The following ARIH1 variants were observed in gnomAD, a reference collection of about 807,000 sequenced individuals.
ARIH1 encodes the protein E3 ubiquitin-protein ligase ARIH1.
A neutral mutation model predicts 85.0 loss-of-function variants in ARIH1; 8 were observed. The ratio of observed to expected loss-of-function variants is 0.09; its 90% confidence interval spans 0.06 to 0.17. ARIH1 has a LOEUF of 0.17. ARIH1 is among the 10% of genes least tolerant of loss of function. The probability of loss-of-function intolerance (pLI) is 1.00; values close to 1 mark genes in which losing one functional copy is unlikely to be tolerated. For synonymous variants in ARIH1, 238 were observed against 253.6 expected (o/e 0.94, Z 0.59); for missense variants, 311 against 718.1 (o/e 0.43, Z 6.48).
chr15:72,520,176 C>G, intron 2 of ARIH1, among the ~76,000 whole-genome samples: 1 of 152,126 alleles, frequency 6.6e-6, no homozygotes, highest in East Asian at 1.9e-4. Flanking sequence ...TGGGAAACTT[C>G]TGAGTATGTG....
At chr15:72,509,330 A>C (rs542310026) in intron 1 of ARIH1, among the ~76,000 whole-genome samples, 2 of 152,248 alleles carry the variant, frequency 1.3e-5, no homozygotes, top group African/African-American at 4.8e-5. Flanking sequence ...CAGGTGCTCC[A>C]GTGCAGGCTA....
intron 2 of ARIH1, among the ~76,000 whole-genome samples, chr15:72,538,500 T>C (rs1304030020): frequency 6.6e-6 from 1 of 152,254 alleles, no homozygotes; most frequent in African/African-American, 2.4e-5. Flanking sequence ...TTATGAAGTA[T>C]GAAGACTTAG....
chr15:72,563,352 C>A lies in ARIH1; in HGVS notation c.805-42C>A, dbSNP rs763385858. 3 of 1,563,496 alleles carry A rather than the reference C, an allele frequency of 1.9e-6. No individual in the cohort carries two copies. The African/African-American group carries it at 4.1e-5, about 21-fold the overall frequency. Reference sequence around the variant, plus strand: ...GGGATTATAGGTGTGAGCCACTGTGCCCAGCCAGCTGTCATTTTTTATTTT... The same window carrying A: ...GGGATTATAGGTGTGAGCCACTGTGACCAGCCAGCTGTCATTTTTTATTTT... On this transcript the variant is annotated intron_variant, in intron 6 of 13. Coordinates refer to ENST00000379887, the MANE Select transcript of ARIH1 (RefSeq NM_005744.5).
chr15:72,527,201 G>T (rs559832324), intron 2 of ARIH1, among the ~76,000 whole-genome samples: 58 of 152,142 alleles, frequency 3.8e-4, no homozygotes, highest in Admixed American at 9.8e-4. Context: ...AGGTGTGAAG[G>T]TTGTGCAGTC....
intron 1 of ARIH1, 175 bp downstream of exon 1, chr15:72,475,189 G>T (rs999009432): frequency 2.3e-6 from 3 of 1,320,088 alleles, no homozygotes; most frequent in Non-Finnish European, 2.9e-6. Flanking sequence ...GCAGAGGTTC[G>T]CCGATTAGCC....
intron 1 of ARIH1, among the ~76,000 whole-genome samples, chr15:72,490,815 A>C (rs1002409572): frequency 1.4e-4 from 22 of 152,166 alleles, no homozygotes; most frequent in African/African-American, 5.3e-4. Context: ...TTTGAGTCCC[A>C]GTGACTAAAC....
chr15:72,529,386 C>T (rs1010711830), intron 2 of ARIH1, among the ~76,000 whole-genome samples: 13 of 152,156 alleles, frequency 8.5e-5, no homozygotes, highest in Non-Finnish European at 4.4e-5. Context: ...TAGGACTGTG[C>T]ACCACAACAC....
chr15:72,531,480 C>A (rs2064056513), intron 2 of ARIH1, among the ~76,000 whole-genome samples: 1 of 152,106 alleles, frequency 6.6e-6, no homozygotes, highest in Non-Finnish European at 1.5e-5. Context: ...GTTGGCCAGG[C>A]TGGTCTCGAA....
At position 72,529,691 on chromosome 15, in the gene ARIH1, G is replaced by T. The variant is rs567892438; in HGVS notation, c.443+11557G>T. On this transcript the variant is annotated intron_variant, in intron 2 of 13. Coordinates refer to ENST00000379887, the MANE Select transcript of ARIH1 (RefSeq NM_005744.5). Reference sequence around the variant, plus strand: ...GTGGGAAAGGATTTAGTAATGAGGTGTGGCATTTGATTGGACAAGGAAGGG... The same window carrying T: ...GTGGGAAAGGATTTAGTAATGAGGTTTGGCATTTGATTGGACAAGGAAGGG... Among the ~76,000 whole-genome samples, 2 of 152,286 alleles carry T rather than the reference G, an allele frequency of 1.3e-5. 1 individual carries two copies. Among genetic ancestry groups the T allele is most frequent in the South Asian group, 4.1e-4 (2 of 4,822 alleles).
chr15:72,545,619 G>A (rs1480830950), intron 3 of ARIH1, among the ~76,000 whole-genome samples: 2 of 152,226 alleles, frequency 1.3e-5, no homozygotes, highest in Non-Finnish European at 2.9e-5. Flanking sequence ...TTGAGGCCAG[G>A]AGTTTGAGGC....
At chr15:72,509,137 T>C (rs1340521560) in intron 1 of ARIH1, among the ~76,000 whole-genome samples, 1 of 151,972 alleles carries the variant, frequency 6.6e-6, no homozygotes, top group Admixed American at 6.6e-5. Context: ...ACTACAGGCG[T>C]GCATCACCAC....
chr15:72,579,971 A>G (rs545074123), intron 11 of ARIH1, among the ~76,000 whole-genome samples: 2 of 152,236 alleles, frequency 1.3e-5, no homozygotes, highest in African/African-American at 4.8e-5. Context: ...TTATTTTGAA[A>G]TATATATTAT....
At position 72,567,135 on chromosome 15, in the gene ARIH1, T is replaced by C. The variant is rs767313975; in HGVS notation, c.984T>C (p.Asp328=). 2 of 1,612,456 alleles carry C rather than the reference T, an allele frequency of 1.2e-6. No individual in the cohort carries two copies. Among genetic ancestry groups the C allele is most frequent in the Non-Finnish European group, 1.7e-6 (2 of 1,179,210 alleles). ...TAAAGAAATGGATTAAAAAGTGTGA[T>C]GATGACAGTGAAACCTCCAATTGGA... is the stretch of plus-strand genomic sequence containing the variant. ...KWLKKWIKKC[D]DDSETSNWIA... The change falls in exon 9 of 14, where the codon GAT becomes GAC. Residue 328 remains aspartate, a synonymous_variant. Transcript: ENST00000379887.
intron 1 of ARIH1, among the ~76,000 whole-genome samples, chr15:72,488,573 A>G (rs2063846654): frequency 2.0e-5 from 3 of 152,188 alleles, no homozygotes; most frequent in African/African-American, 7.2e-5. Flanking sequence ...GCCTCTAGCT[A>G]TATATGAGGG....
At position 72,589,140 on chromosome 15, in the gene ARIH1, T is replaced by G. The variant is rs1285317310; in HGVS notation, c.*5848T>G. On this transcript the variant is annotated 3_prime_UTR_variant, in exon 14 of 14. Transcript: ENST00000379887. ...CAGATGCCTTACTTTTGTCTGTATCTTCCAAGCAGCCCTAAAGCAAAATGG... is the reference window on the plus strand; with the variant it reads ...CAGATGCCTTACTTTTGTCTGTATCGTCCAAGCAGCCCTAAAGCAAAATGG... 6.6e-6 allele frequency: 1 copy of G among 152,214 alleles called. No homozygotes were observed. Among genetic ancestry groups the G allele is most frequent in the Non-Finnish European group, 1.5e-5 (1 of 68,034 alleles). The allele number at this position is 152,214 out of a possible 1,614,324, so 9.4% of individuals were successfully genotyped here. A position where few individuals can be genotyped will look rare whatever the true frequency, so the allele number is the denominator to read the frequency against.
At chr15:72,572,027 C>A in intron 10 of ARIH1, 81 bp from the exon 11 acceptor site, 1 of 1,002,282 alleles carries the variant, frequency 1.0e-6, no homozygotes, top group Non-Finnish European at 1.5e-6. Context: ...ATCTGTAAAT[C>A]CAGGTTAAAA....
intron 1 of ARIH1, among the ~76,000 whole-genome samples, chr15:72,488,920 G>T (rs893441348): frequency 2.0e-5 from 3 of 152,136 alleles, no homozygotes; most frequent in Non-Finnish European, 4.4e-5. Flanking sequence ...CTGGCGCTGG[G>T]TGTGAACTGA....
At position 72,474,657 on chromosome 15, in the gene ARIH1, C is replaced by G. The variant is rs777487580; in HGVS notation, c.18C>G (p.Gly6=). ...GTCGCGCCATGGACTCGGACGAGGG[C>G]TACAACTACGAGTTCGACGAGGACG... is the stretch of plus-strand genomic sequence containing the variant. MDSDE[G]YNYEFDEDEE... The change falls in exon 1 of 14, where the codon GGC becomes GGG. Residue 6 remains glycine, a synonymous_variant. Coordinates refer to ENST00000379887, the MANE Select transcript of ARIH1 (RefSeq NM_005744.5). 4 of 1,548,172 alleles carry G rather than the reference C, an allele frequency of 2.6e-6. No homozygotes were observed. The East Asian group carries it at 1.0e-4, about 40-fold the overall frequency.
Position 72,562,221 on chromosome 15 carries a change from A to G in ARIH1, c.804+672A>G, listed in dbSNP as rs180794118. Among the ~76,000 whole-genome samples the G allele has an allele frequency of 1.7e-3, 258 of 152,256 alleles. 1 individual carries two copies. Among genetic ancestry groups the G allele is most frequent in the African/African-American group, 5.9e-3 (244 of 41,554 alleles). On this transcript the variant is annotated intron_variant, in intron 6 of 13. Transcript: ENST00000379887. ...GTAAATCTTGTTAATAAAGAATGCT[A>G]TCCTTTATTGGACCATGCCTTTGCC... is the stretch of plus-strand genomic sequence containing the variant.
Sources: gnomAD v4.1 joint callset for allele counts (sites outside exome capture counted in the v4.1 genomes callset) on GRCh38, gnomAD v4.1.1 for gene constraint, MANE v1.5 for transcripts, NCBI Gene and HGNC (gene_info 2026-07-23, HGNC 2026-07-21) for gene names.